The following ZNF536 variants were observed in gnomAD, a reference collection of about 807,000 sequenced individuals.
ZNF536 encodes zinc finger protein 536.
In ZNF536, 13 loss-of-function variants were observed where a neutral mutation model predicts 84.5. That is an observed-to-expected ratio of 0.15 (90% CI 0.10 to 0.24). The LOEUF (loss-of-function observed/expected upper bound fraction) is 0.24, where lower values mean the gene tolerates loss of function less well. Ranked by LOEUF, ZNF536 falls within the 10% of genes least tolerant of loss-of-function variation. ZNF536 has a pLI of 1.00. For missense variants in ZNF536, 1,536 were observed against 1,747.5 expected (o/e 0.88, Z 2.16); for synonymous variants, 811 against 742.5 (o/e 1.09, Z -1.50).
intron 1 of ZNF536, among the ~76,000 whole-genome samples, chr19:30,419,322 C>T (rs1239328156): frequency 6.6e-6 from 1 of 152,158 alleles, no homozygotes; most frequent in Non-Finnish European, 1.5e-5. Context: ...CATTTCCGTA[C>T]AGTTTTGTCT....
At chr19:30,600,863 G>T (rs1039796646) in intron 1 of ZNF536, among the ~76,000 whole-genome samples, 1 of 152,234 alleles carries the variant, frequency 6.6e-6, no homozygotes, top group African/African-American at 2.4e-5. Context: ...GCCAAGCATC[G>T]AGTGTGGGCC....
chr19:30,701,136 G>T (rs894342244), intron 1 of ZNF536, among the ~76,000 whole-genome samples: 1 of 152,070 alleles, frequency 6.6e-6, no homozygotes, highest in Non-Finnish European at 1.5e-5. Flanking sequence ...CAGCTTTGAT[G>T]GGCTTCTGTT....
At chr19:30,697,052 G>T (rs2051690269) in intron 1 of ZNF536, among the ~76,000 whole-genome samples, 1 of 152,172 alleles carries the variant, frequency 6.6e-6, no homozygotes, top group South Asian at 2.1e-4. Context: ...TCATAGTTCT[G>T]CATGGCTGAG....
At chr19:30,700,260 T>C (rs2051879019) in intron 1 of ZNF536, among the ~76,000 whole-genome samples, 1 of 144,496 alleles carries the variant, frequency 6.9e-6, no homozygotes, top group Non-Finnish European at 1.5e-5. Context: ...CTCTCTTTCT[T>C]TCTTTCTCTT....
chr19:30,260,272 T>C (rs1039124009), intron 1 of ZNF536, among the ~76,000 whole-genome samples: 1 of 152,240 alleles, frequency 6.6e-6, no homozygotes, highest in African/African-American at 2.4e-5. Context: ...TTTTGAGTCC[T>C]GCATCCTGCA....
Position 30,509,219 on chromosome 19 carries a change from C to T in ZNF536, c.2171-25628C>T, listed in dbSNP as rs184747220. On this transcript the variant is annotated intron_variant, in intron 2 of 4. Coordinates refer to ENST00000355537, the MANE Select transcript of ZNF536 (RefSeq NM_014717.3). The stretch of plus-strand genomic sequence containing the variant: ...GGCCAGAGGGACAAAACTTGCAAAT[C>T]GAGTTATATAATGTATACAATATGT... Among the ~76,000 whole-genome samples the T allele has an allele frequency of 6.2e-4, 90 of 145,104 alleles. 1 individual carries two copies. In the East Asian group the frequency reaches 0.018, roughly 29 times the overall value.
intron 1 of ZNF536, among the ~76,000 whole-genome samples, chr19:30,582,710 G>A (rs112108845): frequency 0.02 from 2,998 of 152,228 alleles, 84 homozygotes; most frequent in South Asian, 0.07. Context: ...GCTGGTGGAA[G>A]GTGAAAGGCA....
intron 3 of ZNF536, among the ~76,000 whole-genome samples, chr19:30,539,838 C>CCTGG (rs1486611713): frequency 2.6e-5 from 4 of 152,104 alleles, no homozygotes; most frequent in Non-Finnish European, 5.9e-5. Context: ...CTGCGGGACT[C>CCTGG]CTGGCTGGGT....
At chr19:30,618,973 A>T (rs539374065) in intron 1 of ZNF536, among the ~76,000 whole-genome samples, 1 of 152,152 alleles carries the variant, frequency 6.6e-6, no homozygotes, top group East Asian at 1.9e-4. Flanking sequence ...TTGTATTTGT[A>T]TAAGTTTAAG....
intron 3 of ZNF536, among the ~76,000 whole-genome samples, chr19:30,545,544 CCCA>C (rs2045517097): frequency 6.6e-6 from 1 of 151,832 alleles, no homozygotes; most frequent in African/African-American, 2.4e-5. Flanking sequence ...ACTACAGGCA[CCCA>C]CCACCACGCC....
chr19:30,599,543 T>C (rs940730161), intron 1 of ZNF536, among the ~76,000 whole-genome samples: 1 of 143,742 alleles, frequency 7.0e-6, no homozygotes, highest in Non-Finnish European at 1.5e-5. Flanking sequence ...CCCTTGTCTA[T>C]TCATTCGCAT....
intron 1 of ZNF536, among the ~76,000 whole-genome samples, chr19:30,247,656 C>G (rs530810225): frequency 1.3e-5 from 2 of 151,954 alleles, no homozygotes; most frequent in Non-Finnish European, 2.9e-5. Flanking sequence ...CGCAAGAGCC[C>G]GTCTCTACAG....
chr19:30,423,940 G>T (rs941652460), intron 1 of ZNF536, among the ~76,000 whole-genome samples: 1 of 152,146 alleles, frequency 6.6e-6, no homozygotes, highest in Admixed American at 6.5e-5. Context: ...GTCAAGCATG[G>T]TGTCTTGAAA....
At chr19:30,261,039 C>T (rs2025182493) in intron 1 of ZNF536, among the ~76,000 whole-genome samples, 1 of 152,138 alleles carries the variant, frequency 6.6e-6, no homozygotes. Flanking sequence ...TGGCTCACGC[C>T]TGTAATCCCA....
At chr19:30,544,377 C>A (rs1396697717) in intron 3 of ZNF536, among the ~76,000 whole-genome samples, 6 of 152,212 alleles carry the variant, frequency 3.9e-5, no homozygotes, top group Admixed American at 3.3e-4. Flanking sequence ...ATTCACCAGG[C>A]CTGGGCCCGT....
intron 1 of ZNF536, among the ~76,000 whole-genome samples, chr19:30,410,465 CTTTTTTTTTTTTTTTTTT>C (rs201561646): frequency 0.58 from 71,613 of 123,132 alleles, 20,762 homozygotes; most frequent in Non-Finnish European, 0.66. Flanking sequence ...AAGTGAAGGT[CTTTTTTTTTTTTTTTTTT>C]TTTTTTTTTG....
intron 2 of ZNF536, among the ~76,000 whole-genome samples, chr19:30,522,725 C>T (rs1331415568): frequency 6.6e-6 from 1 of 151,972 alleles, no homozygotes; most frequent in Non-Finnish European, 1.5e-5. Context: ...ATTTTGGTCC[C>T]CTGTCTTAAA....
intron 2 of ZNF536, among the ~76,000 whole-genome samples, chr19:30,299,494 G>A (rs61282787): frequency 0.01 from 1,537 of 152,272 alleles, 33 homozygotes; most frequent in African/African-American, 0.035. Flanking sequence ...GGTGGTGGGG[G>A]TAGCTTGATC....
intron 1 of ZNF536, among the ~76,000 whole-genome samples, chr19:30,564,818 G>A (rs1255042903): frequency 6.6e-6 from 1 of 152,188 alleles, no homozygotes; most frequent in Non-Finnish European, 1.5e-5. Context: ...CCTTCACTGG[G>A]TGCAGATGGG....
Sources: allele counts gnomAD v4.1 joint callset (sites outside exome capture counted in the v4.1 genomes callset), GRCh38; gene constraint gnomAD v4.1.1; transcripts MANE v1.5; gene names NCBI Gene and HGNC (gene_info 2026-07-23, HGNC 2026-07-21).